The following NHSL2 variants were observed in gnomAD, a reference collection of about 807,000 sequenced individuals.
NHSL2 encodes the protein NHS-like protein 2.
A neutral mutation model predicts 53.4 loss-of-function variants in NHSL2; 27 were observed. The ratio of observed to expected loss-of-function variants is 0.51; its 90% confidence interval spans 0.37 to 0.70. NHSL2 has a LOEUF of 0.70. NHSL2 is among the 30% of genes least tolerant of loss of function. NHSL2 has a pLI of 0.00. For missense variants in NHSL2, 892 were observed against 980.1 expected, an observed-to-expected ratio of 0.91 and a Z score of 1.20; for synonymous variants, 408 against 404.1, an observed-to-expected ratio of 1.01 and a Z score of -0.12.
chrX:71,943,237 C>A (rs181394897), intron 1 of NHSL2, among the ~76,000 whole-genome samples: 201 of 111,919 alleles, frequency 1.8e-3, no homozygotes, highest in African/African-American at 6.2e-3. Flanking sequence ...CAGGCGCACG[C>A]CACCATGCCC....
Position 72,149,678 on chromosome X carries a change from T to C in NHSL2, c.*6104T>C. ...TTCATTCATTTTTAAATGAGATATA[T>C]TTACCCTGGCTAGTGGTTAAAGTTT... On this transcript the variant is annotated 3_prime_UTR_variant, in exon 8 of 8. Transcript: ENST00000633930. 8.9e-6 allele frequency: 1 copy of C among 112,659 alleles called. No individual in the cohort carries two copies. Among genetic ancestry groups the C allele is most frequent in the Middle Eastern group, 4.6e-3 (1 of 218 alleles). 9.3% of individuals were successfully genotyped at this position (112,659 alleles called of 1,213,427 possible).
chrX:71,922,265 C>G (rs1242951378), intron 1 of NHSL2, among the ~76,000 whole-genome samples: 1 of 111,782 alleles, frequency 8.9e-6, no homozygotes, highest in Non-Finnish European at 1.9e-5. Context: ...GGGTAGGTGG[C>G]TGTGTGTTTG....
At chrX:72,009,642 C>T (rs1215718639) in intron 1 of NHSL2, among the ~76,000 whole-genome samples, 1 of 112,656 alleles carries the variant, frequency 8.9e-6, no homozygotes, top group Non-Finnish European at 1.9e-5. Flanking sequence ...GCCCTCAACA[C>T]CTCATATCCT....
intron 1 of NHSL2, among the ~76,000 whole-genome samples, chrX:72,072,529 T>C (rs1347466692): frequency 1.8e-5 from 2 of 111,563 alleles, no homozygotes; most frequent in Non-Finnish European, 3.8e-5. Flanking sequence ...GAGTTGAAGG[T>C]CTCCAAATGC....
chrX:72,134,541 T>C lies in NHSL2; in HGVS notation c.597T>C (p.Thr199=). The C allele has an allele frequency of 8.6e-7, 1 of 1,167,362 alleles. No homozygotes were observed. Residue 199 remains threonine, a synonymous_variant, in exon 4 of 8, where the codon ACT becomes ACC. Coordinates refer to ENST00000633930, the MANE Select transcript of NHSL2 (RefSeq NM_001013627.3). The part of the protein sequence containing the change: ...PTKRQLSEDE[T]TTQGVRAPEA... The stretch of plus-strand genomic sequence containing the variant: ...AACGGCAGCTGAGCGAGGATGAGAC[T>C]ACCACCCAGGGTGTGAGGGCCCCCG...
intron 1 of NHSL2, among the ~76,000 whole-genome samples, chrX:72,017,107 G>A (rs950802061): frequency 8.9e-6 from 1 of 111,757 alleles, no homozygotes; most frequent in Admixed American, 9.4e-5. Flanking sequence ...ACCCACCCCA[G>A]AAGGGTGCAC....
rs192257899 is a variant in NHSL2 at position 72,076,090 on chromosome X, C to T, written c.281-55989C>T. Among the ~76,000 whole-genome samples the T allele has an allele frequency of 1.7e-4, 19 of 110,708 alleles. 1 individual carries two copies. In the East Asian group the frequency reaches 5.4e-3, roughly 31 times the overall value. On this transcript the variant is annotated intron_variant, in intron 1 of 7. Transcript: ENST00000633930. ...CTGAGATTACAGGCATATGCCACCA[C>T]GCCCAGCTAATTTTGTATTTTTAGT...
At chrX:72,060,293 G>T (rs1246979404) in intron 1 of NHSL2, among the ~76,000 whole-genome samples, 1 of 111,707 alleles carries the variant, frequency 9.0e-6, no homozygotes, top group Non-Finnish European at 1.9e-5. Context: ...TACATAGAGG[G>T]GCTCTGTCAA....
At chrX:72,080,372 G>C (rs939256567) in intron 1 of NHSL2, 2 of 111,721 alleles carry the variant, frequency 1.8e-5, no homozygotes, top group Admixed American at 1.9e-4. Flanking sequence ...CTATGCTGAG[G>C]CAGCCTGGGC....
rs551005919 is a variant in NHSL2 at position 72,101,277 on chromosome X, C to T, written c.281-30802C>T. On this transcript the variant is annotated intron_variant, in intron 1 of 7. Coordinates refer to ENST00000633930, the MANE Select transcript of NHSL2 (RefSeq NM_001013627.3). ...GGCTCAATTGCATCCTGCAAGAAGACTCGCATCAGGGTTTGAGCTCGGGGT... is the reference window on the plus strand; with the variant it reads ...GGCTCAATTGCATCCTGCAAGAAGATTCGCATCAGGGTTTGAGCTCGGGGT... Among the ~76,000 whole-genome samples, 38 of 109,921 alleles carry T rather than the reference C, an allele frequency of 3.5e-4. No individual in the cohort carries two copies. In the South Asian group the frequency reaches 0.015, roughly 43 times the overall value.
At chrX:72,101,553 C>T (rs1044377574) in intron 1 of NHSL2, among the ~76,000 whole-genome samples, 9 of 110,561 alleles carry the variant, frequency 8.1e-5, no homozygotes, top group African/African-American at 1.6e-4. Flanking sequence ...AAGTTCTAAA[C>T]GAGCCCTCCC....
At chrX:72,091,900 A>G (rs1364751707) in intron 1 of NHSL2, among the ~76,000 whole-genome samples, 1 of 111,647 alleles carries the variant, frequency 9.0e-6, no homozygotes, top group Non-Finnish European at 1.9e-5. Flanking sequence ...CAGGACTAGG[A>G]AGCCTGGATT....
At position 72,151,559 on chromosome X, in the gene NHSL2, C is replaced by T. The variant is rs1030886124; in HGVS notation, c.*7985C>T. The T allele has an allele frequency of 8.9e-6, 1 of 111,970 alleles. No homozygotes were observed. The highest frequency in any genetic ancestry group is 3.2e-5 in the African/African-American group (1 of 30,797). The allele number at this position is 111,970 out of a possible 1,213,427, so 9.2% of individuals were successfully genotyped here. On this transcript the variant is annotated 3_prime_UTR_variant, in exon 8 of 8. Transcript: ENST00000633930. ...CATTACTCTTCAATAGAGTGTCCTT[C>T]ATGAGCTCTCTCTCTCTCTCATTAC... is the stretch of plus-strand genomic sequence containing the variant.
chrX:71,973,636 G>C (rs2041935838), intron 1 of NHSL2, among the ~76,000 whole-genome samples: 1 of 110,834 alleles, frequency 9.0e-6, no homozygotes, highest in African/African-American at 3.3e-5. Context: ...AGGTGGGGAG[G>C]GGATAGGAGT....
At chrX:71,966,865 G>T (rs2041903086) in intron 1 of NHSL2, among the ~76,000 whole-genome samples, 1 of 111,533 alleles carries the variant, frequency 9.0e-6, no homozygotes, top group East Asian at 2.8e-4. Context: ...GTAGAGAATT[G>T]GTATAAATTT....
At chrX:71,969,305 T>C (rs2041914742) in intron 1 of NHSL2, among the ~76,000 whole-genome samples, 1 of 102,803 alleles carries the variant, frequency 9.7e-6, no homozygotes, top group African/African-American at 3.7e-5. Flanking sequence ...TTTCTTTTTT[T>C]CTTTTTTTTT....
rs2042455407 is a variant in NHSL2 at position 72,145,265 on chromosome X, A to G, written c.*1691A>G. 8.9e-6 allele frequency: 1 copy of G among 111,777 alleles called. No individual in the cohort carries two copies. Among genetic ancestry groups the G allele is most frequent in the Non-Finnish European group, 1.9e-5 (1 of 53,250 alleles). 9.2% of individuals were successfully genotyped at this position (111,777 alleles called of 1,213,427 possible). Reference sequence around the variant, plus strand: ...AAGCCACCTTTTAGCTCAACTGCCCACACTCCAGCTGGACAGAGCAGCTGA... The same window carrying G: ...AAGCCACCTTTTAGCTCAACTGCCCGCACTCCAGCTGGACAGAGCAGCTGA... On this transcript the variant is annotated 3_prime_UTR_variant, in exon 8 of 8. Coordinates refer to ENST00000633930, the MANE Select transcript of NHSL2 (RefSeq NM_001013627.3).
intron 1 of NHSL2, among the ~76,000 whole-genome samples, chrX:71,957,359 C>T (rs912275532): frequency 2.7e-5 from 3 of 112,318 alleles, no homozygotes; most frequent in Non-Finnish European, 3.8e-5. Context: ...CTCCGCCTCC[C>T]GGGTTCACGC....
rs184783268 is a variant in NHSL2, at chrX:72,098,727, C to T, written c.281-33352C>T. On this transcript the variant is annotated intron_variant, in intron 1 of 7. Coordinates refer to ENST00000633930, the MANE Select transcript of NHSL2 (RefSeq NM_001013627.3). Reference sequence around the variant, plus strand: ...TTTTTATTTTAATAGTTTTATGTTACGTAAACCATTATATGTTATTTTTAA... The same window carrying T: ...TTTTTATTTTAATAGTTTTATGTTATGTAAACCATTATATGTTATTTTTAA... Among the ~76,000 whole-genome samples the T allele has an allele frequency of 2.4e-3, 268 of 111,175 alleles. 1 individual carries two copies. Among genetic ancestry groups the T allele is most frequent in the African/African-American group, 8.3e-3 (256 of 30,694 alleles).
Sources: allele counts gnomAD v4.1 joint callset (sites outside exome capture counted in the v4.1 genomes callset), GRCh38; gene constraint gnomAD v4.1.1; transcripts MANE v1.5; gene names NCBI Gene and HGNC (gene_info 2026-07-23, HGNC 2026-07-21).